Variants in MAP3K19 observed in about 807,000 individuals in gnomAD.
MAP3K19 encodes SPS1/STE20-related protein kinase YSK4.
MAP3K19 carries 91 observed loss-of-function variants against 114.4 expected under a neutral mutation model. The observed-to-expected ratio is 0.80, with a 90% CI of 0.67 to 0.95. The LOEUF is 0.95. MAP3K19 is among the 40% of genes least tolerant of loss of function. The pLI is 0.00. For missense variants in MAP3K19, 1,471 were observed against 1,573.2 expected (o/e 0.94, Z 1.10); for synonymous variants, 518 against 530.5 (o/e 0.98, Z 0.32).
chr2:135,018,281 C>CAAAAAAAAAAAAAAAAAAAAAAAAAA (rs781510594), intron 5 of MAP3K19, among the ~76,000 whole-genome samples: 2 of 58,288 alleles, frequency 3.4e-5, no homozygotes, highest in Non-Finnish European at 7.1e-5. Context: ...GCAACAACAG[C>CAAAAAAAAAAAAAAAAAAAAAAAAAA]AAAAAAAAAA....
intron 3 of MAP3K19, among the ~76,000 whole-genome samples, chr2:135,029,454 T>C (rs911866172): frequency 6.6e-6 from 1 of 152,194 alleles, no homozygotes; most frequent in Non-Finnish European, 1.5e-5. Flanking sequence ...AAATACATTG[T>C]CTTTCAAAAA....
Position 134,987,124 on chromosome 2 carries a change from C to CT in MAP3K19, c.1747dup (p.Arg583LysfsTer28), listed in dbSNP as rs763934985. On this transcript the variant is annotated frameshift_variant, in exon 10 of 13. Transcript: ENST00000392915. LOFTEE classifies it high-confidence loss of function. ...TTGAAACCTGGGCAATTGCCAAGGCCTGGGGTCCACAAGTCCCAAAGCCGG... is the reference window on the plus strand; with the variant it reads ...TTGAAACCTGGGCAATTGCCAAGGCCTTGGGGTCCACAAGTCCCAAAGCCGG... 4.3e-6 allele frequency: 7 copies of CT among 1,613,950 alleles called. No homozygotes were observed. Among genetic ancestry groups the CT allele is most frequent in the East Asian group, 2.2e-5 (1 of 44,878 alleles).
chr2:134,967,667 GCTGA>G (rs1573895505), intron 12 of MAP3K19, among the ~76,000 whole-genome samples: 1 of 152,082 alleles, frequency 6.6e-6, no homozygotes, highest in East Asian at 1.9e-4. Context: ...CATGTTCGTT[GCTGA>G]CTTTCTCCTT....
chr2:134,981,835 A>G (rs1330461740), intron 11 of MAP3K19, among the ~76,000 whole-genome samples: 1 of 148,402 alleles, frequency 6.7e-6, no homozygotes. Flanking sequence ...AGTTTTTCTC[A>G]TCTGTAAAAC....
At chr2:134,968,498 C>G (rs1344254238) in intron 12 of MAP3K19, among the ~76,000 whole-genome samples, 3 of 148,234 alleles carry the variant, frequency 2.0e-5, no homozygotes, top group Non-Finnish European at 3.0e-5. Context: ...GCTGACCCCC[C>G]ACCTCCCTCC....
At chr2:135,027,347 AAGAGAGAAAGAAAGAAAGAG>A (rs1688280255) in intron 3 of MAP3K19, among the ~76,000 whole-genome samples, 1 of 137,112 alleles carries the variant, frequency 7.3e-6, no homozygotes, top group African/African-American at 3.1e-5. Context: ...GAAAGAAAGA[AAGAGAGAAAGAAAGAAAGAG>A]AGAGAGAAAG....
chr2:134,991,971 G>T (rs1489136287), intron 8 of MAP3K19, among the ~76,000 whole-genome samples: 1 of 152,140 alleles, frequency 6.6e-6, no homozygotes, highest in Non-Finnish European at 1.5e-5. Context: ...GCTCTGGAAT[G>T]ATGAGACTCA....
chr2:135,034,688 A>G (rs969324262), intron 2 of MAP3K19, among the ~76,000 whole-genome samples: 3 of 142,254 alleles, frequency 2.1e-5, no homozygotes, highest in Admixed American at 1.4e-4. Flanking sequence ...CGCTACAGGC[A>G]CTCGGCAGGC....
At position 134,990,818 on chromosome 2, in the gene MAP3K19, T is replaced by G. The variant is rs377581602; in HGVS notation, c.618+719A>C. 1.6e-3 allele frequency among the ~76,000 whole-genome samples: 242 copies of G among 152,322 alleles called. 3 individuals are homozygous for G. In the Middle Eastern group the frequency reaches 0.051, roughly 32 times the overall value. On this transcript the variant is annotated intron_variant, in intron 9 of 12. Transcript: ENST00000392915. ...ACATTTTATTTTCTTGGCTTTATTGTAAGAATACAGCATATAATACATATA... is the reference window on the plus strand; with the variant it reads ...ACATTTTATTTTCTTGGCTTTATTGGAAGAATACAGCATATAATACATATA...
intron 6 of MAP3K19, among the ~76,000 whole-genome samples, 163 bp from the exon 7 acceptor site, chr2:135,000,178 G>C (rs764016122): frequency 3.3e-5 from 5 of 152,130 alleles, no homozygotes; most frequent in Non-Finnish European, 5.9e-5. Flanking sequence ...TCCTGTTCAG[G>C]ATATGATAGA....
chr2:134,998,873 C>T lies in MAP3K19; in HGVS notation c.439G>A (p.Glu147Lys). The T allele has an allele frequency of 6.2e-7, 1 of 1,614,194 alleles. No individual in the cohort carries two copies. The highest frequency in any genetic ancestry group is 8.5e-7 in the Non-Finnish European group (1 of 1,180,036). The change falls in exon 8 of 13, where the codon GAA (glutamate) becomes AAA (lysine). Residue 147 changes from glutamate (E) to lysine (K), a missense_variant. Physicochemically the swap from Glu to Lys is moderately conservative, Grantham distance 56. Coordinates refer to ENST00000392915, the MANE Select transcript of MAP3K19 (RefSeq NM_025052.5). ...ACATTGCAGAGCTCCCTGGAACTTTCCTCTTTTTGCAAAACTAAGGGCCGC... is the reference window on the plus strand; with the variant it reads ...ACATTGCAGAGCTCCCTGGAACTTTTCTCTTTTTGCAAAACTAAGGGCCGC... ...TMRPLVLQKE[E>K]SSRELCNVNL...
chr2:134,983,738 T>G lies in MAP3K19; in HGVS notation c.3160A>C (p.Lys1054Gln). The G allele has an allele frequency of 1.9e-6, 3 of 1,607,612 alleles. No individual in the cohort carries two copies. Among genetic ancestry groups the G allele is most frequent in the South Asian group, 2.2e-5 (2 of 89,932 alleles). ...EKKIFSENSL[K>Q]SEEPILWTKG... is the part of the protein sequence containing the mutation. ...GTCCATAGGATAGGTTCTTCAGACT[T>G]TAAACTATTTTCAGAAAATATCTTC... Residue 1054 changes from lysine to glutamine, a missense_variant, in exon 11 of 13, where the codon AAG becomes CAG. Physicochemically the swap from Lys to Gln is moderately conservative, Grantham distance 53. Transcript: ENST00000392915.
At chr2:135,042,913 C>A (rs1449981231) in intron 1 of MAP3K19, among the ~76,000 whole-genome samples, 1 of 151,992 alleles carries the variant, frequency 6.6e-6, no homozygotes, top group East Asian at 1.9e-4. Flanking sequence ...GAAGCCTTGT[C>A]TCTACTAAAA....
At chr2:134,988,604 G>A (rs1685346941) in intron 9 of MAP3K19, among the ~76,000 whole-genome samples, 1 of 151,882 alleles carries the variant, frequency 6.6e-6, no homozygotes, top group Non-Finnish European at 1.5e-5. Flanking sequence ...TGCCCAGGCT[G>A]GTCTCAAACT....
chr2:135,031,930 C>T (rs1348782776), intron 2 of MAP3K19, among the ~76,000 whole-genome samples: 1 of 152,168 alleles, frequency 6.6e-6, no homozygotes, highest in Non-Finnish European at 1.5e-5. Context: ...GGTCCCTTGT[C>T]TGAAGCAATG....
intron 5 of MAP3K19, among the ~76,000 whole-genome samples, chr2:135,011,321 A>G (rs1429497068): frequency 1.3e-5 from 2 of 150,740 alleles, no homozygotes; most frequent in African/African-American, 2.4e-5. Context: ...GTGGATCACG[A>G]GGTCAGGAGA....
intron 5 of MAP3K19, among the ~76,000 whole-genome samples, chr2:135,021,296 A>G (rs1687953269): frequency 6.6e-6 from 1 of 152,208 alleles, no homozygotes. Flanking sequence ...CTGTCCATCA[A>G]GTGAGCATAT....
Position 134,999,805 on chromosome 2 carries a change from C to A in MAP3K19, c.314+132G>T. On this transcript the variant is annotated intron_variant, in intron 7 of 12. Transcript: ENST00000392915. This position sits in a 1 kb window ranked among gnomAD's most constrained non-coding sequence, Gnocchi z 4.1. ...AAAGTGTTTATGATCTGGCCTCTGC[C>A]ACATACTATTTATTGTGACCTCTAC... The A allele has an allele frequency of 1.5e-6, 1 of 670,552 alleles. No homozygotes were observed. The highest frequency in any genetic ancestry group is 2.4e-5 in the Admixed American group (1 of 42,374). The allele number at this position is 670,552 out of a possible 1,614,324, so 41.5% of individuals were successfully genotyped here.
rs143145736 is a variant in MAP3K19, at chr2:135,045,070, T to C, written c.-424+2115A>G. Among the ~76,000 whole-genome samples the C allele has an allele frequency of 3.3e-5, 5 of 152,308 alleles. 1 individual carries two copies. The highest frequency in any genetic ancestry group is 7.4e-5 in the Non-Finnish European group (5 of 68,020). On this transcript the variant is annotated intron_variant, in intron 1 of 12. Coordinates refer to ENST00000392915, the MANE Select transcript of MAP3K19 (RefSeq NM_025052.5). ...AACAACACTGTGATAAACATCCTTG[T>C]TTGGACCTTATTATGCACCCTGTAA...
Sources: gnomAD v4.1 joint callset for allele counts (sites outside exome capture counted in the v4.1 genomes callset) on GRCh38, gnomAD v4.1.1 for gene constraint, Gnocchi (gnomAD v3.1) non-coding constraint, MANE v1.5 for transcripts, NCBI Gene and HGNC (gene_info 2026-07-23, HGNC 2026-07-21) for gene names.